The following ZCCHC7 variants were observed in gnomAD, a reference collection of about 807,000 sequenced individuals.
The protein encoded by ZCCHC7 is zinc finger CCHC domain-containing protein 7.
In ZCCHC7, 35 loss-of-function variants were observed where a neutral mutation model predicts 52.0. That is an observed-to-expected ratio of 0.67 (90% CI 0.51 to 0.89). The LOEUF (loss-of-function observed/expected upper bound fraction) is 0.89, where lower values mean the gene tolerates loss of function less well. Among genes scored for constraint, ZCCHC7 ranks in the 40% least tolerant of loss-of-function variants. The pLI, the probability that ZCCHC7 is intolerant of heterozygous loss-of-function variation, is 0.00. For synonymous variants in ZCCHC7, 217 were observed against 221.5 expected, an observed-to-expected ratio of 0.98 and a Z score of 0.18; for missense variants, 574 against 649.1, an observed-to-expected ratio of 0.88 and a Z score of 1.26.
chr9:37,173,410 G>A (rs987522966), intron 2 of ZCCHC7, among the ~76,000 whole-genome samples: 1 of 152,150 alleles, frequency 6.6e-6, no homozygotes, highest in Admixed American at 6.6e-5. Context: ...CTATAAAACT[G>A]TTATATGGGT....
intron 2 of ZCCHC7, among the ~76,000 whole-genome samples, chr9:37,294,736 A>C (rs1013843568): frequency 6.6e-5 from 10 of 151,904 alleles, no homozygotes; most frequent in Admixed American, 3.9e-4. Flanking sequence ...TTTCAATTTT[A>C]TTTTCTGATA....
chr9:37,312,586 A>G (rs926148872), intron 5 of ZCCHC7, among the ~76,000 whole-genome samples: 1 of 152,204 alleles, frequency 6.6e-6, no homozygotes, highest in African/African-American at 2.4e-5. Flanking sequence ...GTGTCTTTTT[A>G]TTTTGACATG....
intron 2 of ZCCHC7, among the ~76,000 whole-genome samples, chr9:37,181,697 T>G (rs1198024090): frequency 6.6e-6 from 1 of 152,190 alleles, no homozygotes; most frequent in Non-Finnish European, 1.5e-5. Flanking sequence ...GATTAGTAGC[T>G]GACAGGAAGG....
intron 2 of ZCCHC7, among the ~76,000 whole-genome samples, chr9:37,156,015 A>C (rs1260999004): frequency 6.6e-6 from 1 of 152,244 alleles, no homozygotes; most frequent in Non-Finnish European, 1.5e-5. Context: ...TCCTATGCTT[A>C]CACTCTCCTT....
intron 2 of ZCCHC7, among the ~76,000 whole-genome samples, chr9:37,299,379 G>C (rs1828930666): frequency 6.6e-6 from 1 of 152,188 alleles, no homozygotes; most frequent in Admixed American, 6.5e-5. Flanking sequence ...TTCAGTACTA[G>C]AAGGTGCCAC....
chr9:37,204,145 A>G (rs1823782446), intron 2 of ZCCHC7, among the ~76,000 whole-genome samples: 1 of 151,918 alleles, frequency 6.6e-6, no homozygotes, highest in Non-Finnish European at 1.5e-5. Context: ...CCACTTTTTG[A>G]TGGGGTTGTT....
intron 2 of ZCCHC7, among the ~76,000 whole-genome samples, chr9:37,168,961 A>T (rs937669377): frequency 1.3e-5 from 2 of 152,170 alleles, no homozygotes; most frequent in Admixed American, 1.3e-4. Flanking sequence ...TAATAATTTA[A>T]TTTTAAAAGT....
chr9:37,287,805 T>A (rs1014285584), intron 2 of ZCCHC7, among the ~76,000 whole-genome samples: 66 of 152,270 alleles, frequency 4.3e-4, no homozygotes, highest in African/African-American at 1.3e-3. Flanking sequence ...AAATTTTTTT[T>A]AAATATGTAA....
chr9:37,254,914 G>A (rs1469227699), intron 2 of ZCCHC7, among the ~76,000 whole-genome samples: 1 of 132,442 alleles, frequency 7.6e-6, no homozygotes, highest in African/African-American at 2.8e-5. Flanking sequence ...TGGTATGCAT[G>A]TAAATTGATG....
intron 1 of ZCCHC7, among the ~76,000 whole-genome samples, chr9:37,123,310 A>C (rs952224567): frequency 1.3e-5 from 2 of 152,162 alleles, no homozygotes; most frequent in African/African-American, 4.8e-5. Context: ...AACGTAATTA[A>C]AGCAGTAACA....
intron 5 of ZCCHC7, chr9:37,322,439 A>G (rs970983742): frequency 1.3e-5 from 2 of 152,110 alleles, no homozygotes; most frequent in Non-Finnish European, 1.5e-5. Context: ...TTAAGCATAG[A>G]AAAAAGGAAT....
intron 2 of ZCCHC7, among the ~76,000 whole-genome samples, chr9:37,296,881 TTGTGTGTGTGTGTGTGTGTGTGTGTG>T (rs56378965): frequency 2.4e-5 from 3 of 124,134 alleles, no homozygotes; most frequent in African/African-American, 9.0e-5. Flanking sequence ...CCTGGCTAGT[TTGTGTGTGTGTGTGTGTGTGTGTGTG>T]TGTGTGTGTG....
intron 5 of ZCCHC7, among the ~76,000 whole-genome samples, chr9:37,326,391 GT>G (rs1236293934): frequency 6.6e-6 from 1 of 151,534 alleles, no homozygotes; most frequent in Non-Finnish European, 1.5e-5. Flanking sequence ...TAATAAGTGG[GT>G]TTTTTTAGTA....
At chr9:37,164,464 G>GATAT (rs1461728793) in intron 2 of ZCCHC7, among the ~76,000 whole-genome samples, 9 of 149,988 alleles carry the variant, frequency 6.0e-5, no homozygotes, top group African/African-American at 2.2e-4. Context: ...TAGATAGATA[G>GATAT]ATAGATAGAT....
At chr9:37,211,953 G>A (rs553229205) in intron 2 of ZCCHC7, among the ~76,000 whole-genome samples, 33 of 146,888 alleles carry the variant, frequency 2.2e-4, no homozygotes, top group Non-Finnish European at 3.3e-4. Flanking sequence ...GCATGAACCC[G>A]GAGGCGGAGC....
At chr9:37,127,408 A>T (rs186889486) in intron 2 of ZCCHC7, among the ~76,000 whole-genome samples, 98 of 152,310 alleles carry the variant, frequency 6.4e-4, no homozygotes, top group African/African-American at 1.8e-3. Context: ...ATATGGAATT[A>T]GTGTTAGGAT....
At chr9:37,150,840 CT>C (rs1458201235) in intron 2 of ZCCHC7, among the ~76,000 whole-genome samples, 1 of 151,948 alleles carries the variant, frequency 6.6e-6, no homozygotes, top group Non-Finnish European at 1.5e-5. Flanking sequence ...ACAAAATATG[CT>C]GTGCTTGAGA....
intron 2 of ZCCHC7, among the ~76,000 whole-genome samples, chr9:37,214,561 TA>T (rs1437364699): frequency 2.6e-5 from 4 of 152,098 alleles, no homozygotes; most frequent in African/African-American, 9.6e-5. Context: ...ACTATATGGA[TA>T]GAATTAGTTA....
chr9:37,266,095 G>T (rs1827093653), intron 2 of ZCCHC7, among the ~76,000 whole-genome samples: 1 of 152,106 alleles, frequency 6.6e-6, no homozygotes, highest in Non-Finnish European at 1.5e-5. Flanking sequence ...TGTATTTACT[G>T]TATCAATATG....
Sources: allele counts gnomAD v4.1 joint callset (sites outside exome capture counted in the v4.1 genomes callset), GRCh38; gene constraint gnomAD v4.1.1; transcripts MANE v1.5; gene names NCBI Gene and HGNC (gene_info 2026-07-23, HGNC 2026-07-21).